TLCD4: variants seen among roughly 807,000 people sequenced by gnomAD.
TLCD4 encodes TLC domain-containing protein 4.
In TLCD4, 7 loss-of-function variants were observed where a neutral mutation model predicts 24.2. The ratio of observed to expected loss-of-function variants is 0.29; its 90% confidence interval spans 0.16 to 0.54. The LOEUF (loss-of-function observed/expected upper bound fraction) is 0.54. Ranked by LOEUF, TLCD4 falls within the 20% of genes least tolerant of loss-of-function variation. The pLI is 0.95. For synonymous variants in TLCD4, 103 were observed against 106.4 expected (o/e 0.97, Z 0.20); for missense variants, 259 against 313.9 (o/e 0.82, Z 1.32).
Position 95,177,951 on chromosome 1 carries a change from G to GT in TLCD4, c.473+4071dup, listed in dbSNP as rs202047214. Among the ~76,000 whole-genome samples the GT allele has an allele frequency of 2.2e-3, 247 of 110,460 alleles. 1 individual carries two copies. Among genetic ancestry groups the GT allele is most frequent in the Middle Eastern group, 0.016 (3 of 190 alleles). 72.5% of individuals were successfully genotyped at this position (110,460 alleles called of 152,430 possible). ...TTTTCTTTTCTTTTTTTTTTTTTTT[G>GT]TTTTTTTTTGTTTTTTGGAGATAGA... On this transcript the variant is annotated intron_variant, in intron 6 of 6. Transcript: ENST00000370203.
chr1:95,187,618 G>A (rs545091029), intron 6 of TLCD4, among the ~76,000 whole-genome samples: 1 of 152,154 alleles, frequency 6.6e-6, no homozygotes, highest in East Asian at 1.9e-4. Flanking sequence ...AATCATTGTT[G>A]ATGTTAAGCT....
Position 95,192,160 on chromosome 1 carries a change from G to T in TLCD4, c.*292G>T, listed in dbSNP as rs556675625. 2.1e-5 allele frequency: 7 copies of T among 334,142 alleles called. No homozygotes were observed. The highest frequency in any genetic ancestry group is 5.1e-5 in the Admixed American group (1 of 19,518). 20.7% of individuals were successfully genotyped at this position (334,142 alleles called of 1,614,324 possible). On this transcript the variant is annotated 3_prime_UTR_variant, in exon 7 of 7. Transcript: ENST00000370203. ...AAAATACAAAAAAAAGTAGCTGGGC[G>T]TGGTGGTTGGCGCCTGTAATCCCAG...
rs369452019 is a variant in TLCD4 at position 95,195,776 on chromosome 1, G to A, written c.*3908G>A. 19 of 152,260 alleles carry A rather than the reference G, an allele frequency of 1.2e-4. No homozygotes were observed. In the South Asian group the frequency reaches 2.9e-3, roughly 23 times the overall value. The allele number at this position is 152,260 out of a possible 1,614,324, so 9.4% of individuals were successfully genotyped here. On this transcript the variant is annotated 3_prime_UTR_variant, in exon 7 of 7. Transcript: ENST00000370203. ...GAACAATGAAAAGCTAGAGGATCTG[G>A]AGTTAGAGGAGGCATTGAGAGTGCT...
chr1:95,116,383 T>C (rs544867141), upstream of TLCD4, among the ~76,000 whole-genome samples: 29 of 152,336 alleles, frequency 1.9e-4, no homozygotes, highest in South Asian at 5.0e-3. Context: ...ATATATTTTC[T>C]GGTCTAAATC....
intron 1 of TLCD4, among the ~76,000 whole-genome samples, chr1:95,139,455 A>ATTTTTTTTTTTTTTTTTTTTTTTTTT (rs200337389): frequency 2.1e-5 from 2 of 93,992 alleles, no homozygotes; most frequent in African/African-American, 4.0e-5. Flanking sequence ...TAAACCTTTG[A>ATTTTTTTTTTTTTTTTTTTTTTTTTT]TTTTTTTTTT....
At chr1:95,105,168 T>G in the TLCD4 span, among the ~76,000 whole-genome samples, 1 of 152,194 alleles carries the variant, frequency 6.6e-6, no homozygotes, top group African/African-American at 2.4e-5. Context: ...ATCACCAGCC[T>G]GGGAAAAGAT....
At chr1:95,152,233 C>T (rs1474388141) in intron 5 of TLCD4, among the ~76,000 whole-genome samples, 2 of 151,958 alleles carry the variant, frequency 1.3e-5, no homozygotes, top group Non-Finnish European at 2.9e-5. Context: ...TGTTATTTAC[C>T]AATCTTACAG....
chr1:95,117,468 C>T lies in TLCD4; in HGVS notation c.-161C>T, dbSNP rs968453910. The T allele has an allele frequency of 2.6e-5, 4 of 152,172 alleles. No homozygotes were observed. The highest frequency in any genetic ancestry group is 4.4e-5 in the Non-Finnish European group (3 of 68,068). The allele number at this position is 152,172 out of a possible 1,614,324, so 9.4% of individuals were successfully genotyped here. A position where few individuals can be genotyped will look rare whatever the true frequency, so the allele number is the denominator to read the frequency against. ...AAGCGGCCCGGAACCCGCGGCTTCC[C>T]TGGCTCCCGTGAGCATCTCACCGGG... is the stretch of plus-strand genomic sequence containing the variant. On this transcript the variant is annotated 5_prime_UTR_variant, in exon 1 of 7. Coordinates refer to ENST00000370203, the MANE Select transcript of TLCD4 (RefSeq NM_152487.3).
the TLCD4 span, among the ~76,000 whole-genome samples, chr1:95,101,758 T>C: frequency 1.3e-5 from 2 of 152,240 alleles, no homozygotes; most frequent in Non-Finnish European, 2.9e-5. Flanking sequence ...AAGCAAGATA[T>C]ACATTTGCTT....
At position 95,153,868 on chromosome 1, in the gene TLCD4, AG is replaced by A. The variant is rs559268591; in HGVS notation, c.399+2454del. On this transcript the variant is annotated intron_variant, in intron 5 of 6. Transcript: ENST00000370203. ...AAATGTGAAAGGACTACTAAGTGGA[AG>A]GGGGAGTAGACTTATTCTGGATTGA... Among the ~76,000 whole-genome samples the A allele has an allele frequency of 2.6e-5, 4 of 152,240 alleles. No homozygotes were observed. In the South Asian group the frequency reaches 8.3e-4, roughly 32 times the overall value.
At position 95,195,169 on chromosome 1, in the gene TLCD4, A is replaced by G. The variant is rs1679156356; in HGVS notation, c.*3301A>G. The stretch of plus-strand genomic sequence containing the variant: ...TTTTTGCTACAGGGTCAACTTTTAA[A>G]TTGTATATTTCCTCTGAGGCACACT... On this transcript the variant is annotated 3_prime_UTR_variant, in exon 7 of 7. Transcript: ENST00000370203. 1 of 152,132 alleles carries G rather than the reference A, an allele frequency of 6.6e-6. No homozygotes were observed. The highest frequency in any genetic ancestry group is 1.9e-4 in the East Asian group (1 of 5,184). 9.4% of individuals were successfully genotyped at this position (152,132 alleles called of 1,614,324 possible).
intron 1 of TLCD4, among the ~76,000 whole-genome samples, chr1:95,131,975 G>A (rs1332666415): frequency 6.6e-6 from 1 of 152,166 alleles, no homozygotes; most frequent in East Asian, 1.9e-4. Context: ...TCCTTTGAGA[G>A]TGGGTTATTA....
chr1:95,097,744 T>A, the TLCD4 span, among the ~76,000 whole-genome samples: 2 of 145,362 alleles, frequency 1.4e-5, no homozygotes, highest in African/African-American at 2.7e-5. Flanking sequence ...CTTTTATATA[T>A]GTTCCACTTA....
At chr1:95,120,149 A>G (rs1676532299) in intron 1 of TLCD4, 1 of 152,214 alleles carries the variant, frequency 6.6e-6, no homozygotes, top group Non-Finnish European at 1.5e-5. Context: ...AGAAGATAGC[A>G]GTATGGAGGT....
At chr1:95,124,050 T>G (rs931278220) in intron 1 of TLCD4, among the ~76,000 whole-genome samples, 11 of 152,224 alleles carry the variant, frequency 7.2e-5, no homozygotes, top group Non-Finnish European at 1.6e-4. Flanking sequence ...TGCATCCTCC[T>G]TACCTACAAG....
intron 6 of TLCD4, among the ~76,000 whole-genome samples, chr1:95,180,180 A>C (rs375889468): frequency 1.3e-5 from 2 of 152,202 alleles, no homozygotes; most frequent in East Asian, 3.8e-4. Context: ...TGTCTCTTGA[A>C]TATGATTCTG....
At chr1:95,183,483 A>C (rs540705130) in intron 6 of TLCD4, among the ~76,000 whole-genome samples, 1 of 152,292 alleles carries the variant, frequency 6.6e-6, no homozygotes, top group African/African-American at 2.4e-5. Flanking sequence ...GATGATCAGA[A>C]TAAGGTGATA....
Position 95,144,043 on chromosome 1 carries a change from G to T in TLCD4, c.142G>T (p.Glu48Ter). ...FNSLSFKKKI[E>*]WNSRVVSTCH... is the part of the protein sequence containing the mutation. ...TAGTCTCAGCTTCAAAAAGAAGATT[G>T]AATGGAACTCAAGGTAAAGCATATG... is the stretch of plus-strand genomic sequence containing the variant. Residue 48 changes from glutamate (E) to a stop codon, truncating the protein, a stop_gained, in exon 2 of 7, where the codon GAA (glutamate) becomes TAA (stop). Coordinates refer to ENST00000370203, the MANE Select transcript of TLCD4 (RefSeq NM_152487.3). LOFTEE classifies it high-confidence loss of function. The T allele has an allele frequency of 6.5e-7, 1 of 1,531,094 alleles. No homozygotes were observed. Among genetic ancestry groups the T allele is most frequent in the South Asian group, 1.3e-5 (1 of 75,612 alleles). The allele number at this position is 1,531,094 out of a possible 1,614,324, so 94.8% of individuals were successfully genotyped here.
rs1254428901 is a variant in TLCD4 at position 95,191,776 on chromosome 1, A to G, written c.700A>G (p.Met234Val). Residue 234 changes from methionine (M) to valine (V), a missense_variant, in exon 7 of 7, where the codon ATG becomes GTG. Physicochemically the swap from Met to Val is conservative, Grantham distance 21. Transcript: ENST00000370203. ...VVLDVMNVMW[M>V]IKISKGCIKV... Reference sequence around the variant, plus strand: ...TTTGGATGTGATGAATGTCATGTGGATGATCAAAATTTCAAAAGGTTGCAT... The same window carrying G: ...TTTGGATGTGATGAATGTCATGTGGGTGATCAAAATTTCAAAAGGTTGCAT... The G allele has an allele frequency of 3.7e-6, 6 of 1,614,072 alleles. No homozygotes were observed. Among genetic ancestry groups the G allele is most frequent in the Admixed American group, 1.7e-5 (1 of 60,010 alleles).
Sources: allele counts gnomAD v4.1 joint callset (sites outside exome capture counted in the v4.1 genomes callset), GRCh38; gene constraint gnomAD v4.1.1; transcripts MANE v1.5; gene names NCBI Gene and HGNC (gene_info 2026-07-23, HGNC 2026-07-21).